The following CAST variants were observed in gnomAD, a reference collection of about 807,000 sequenced individuals.
CAST encodes the protein calpastatin.
In CAST, 76 loss-of-function variants were observed where a neutral mutation model predicts 119.6. The ratio of observed to expected loss-of-function variants is 0.64; its 90% CI spans 0.53 to 0.77. The LOEUF is 0.77. CAST is among the 30% of genes least tolerant of loss of function. CAST has a pLI of 0.00. For missense variants in CAST, 953 were observed against 946.5 expected, an observed-to-expected ratio of 1.01 and a Z score of -0.09; for synonymous variants, 319 against 331.6, an observed-to-expected ratio of 0.96 and a Z score of 0.41.
At chr5:96,217,712 GCCAGAC>G in the CAST span, among the ~76,000 whole-genome samples, 1 of 152,158 alleles carries the variant, frequency 6.6e-6, no homozygotes, top group African/African-American at 2.4e-5. Flanking sequence ...AATGACGGAA[GCCAGAC>G]CCAAAATAAT....
At chr5:96,533,122 T>G (rs1050686410) in intron 1 of CAST, among the ~76,000 whole-genome samples, 1 of 152,084 alleles carries the variant, frequency 6.6e-6, no homozygotes, top group Non-Finnish European at 1.5e-5. Context: ...CAATGAGAAA[T>G]TTTTAGTAGA....
chr5:96,374,929 T>C, the CAST span, among the ~76,000 whole-genome samples: 2 of 152,182 alleles, frequency 1.3e-5, no homozygotes, highest in African/African-American at 2.4e-5. Context: ...TTTTCACTAA[T>C]ACATTTCCCC....
the CAST span, chr5:96,412,593 G>T: frequency 9.0e-7 from 1 of 1,112,146 alleles, no homozygotes; most frequent in Non-Finnish European, 1.3e-6. Context: ...GATTTTAAGA[G>T]TCAAAAACCA....
chr5:96,480,108 G>A, the CAST span, among the ~76,000 whole-genome samples: 4 of 152,080 alleles, frequency 2.6e-5, no homozygotes, highest in South Asian at 2.1e-4. Context: ...TAACCATTTC[G>A]GTGGGGAAAA....
chr5:96,320,353 T>G, the CAST span, among the ~76,000 whole-genome samples: 47,472 of 147,854 alleles, frequency 0.32, 7,713 homozygotes, highest in Admixed American at 0.41. Flanking sequence ...TTCTCCTGCC[T>G]AAGCCTCCCG....
intron 3 of CAST, 69 bp downstream of exon 3, chr5:96,695,976 C>T (rs1438130166): frequency 1.6e-5 from 16 of 1,024,294 alleles, no homozygotes; most frequent in Non-Finnish European, 1.9e-5. Context: ...TGGGTGGGGC[C>T]TGTAGGAATG....
the CAST span, among the ~76,000 whole-genome samples, chr5:96,355,859 G>A: frequency 3.3e-5 from 5 of 151,908 alleles, no homozygotes; most frequent in South Asian, 2.1e-4. Context: ...ACACCACCAC[G>A]CCCAGCTAAT....
intron 1 of CAST, among the ~76,000 whole-genome samples, chr5:96,573,062 C>T (rs1293045402): frequency 6.6e-6 from 1 of 152,154 alleles, no homozygotes; most frequent in African/African-American, 2.4e-5. Context: ...TACTGAAGGA[C>T]AAGAAGGAGC....
chr5:96,740,067 A>G lies in CAST; in HGVS notation c.828A>G (p.Glu276=). The change falls in exon 12 of 32, where the codon GAA becomes GAG. Residue 276 remains glutamate (E), a synonymous_variant. Transcript: ENST00000675179. ...SDPMSSTYIE[E]LGKREVTIPP... ...CAATGAGTTCCACCTACATAGAGGA[A>G]TTGGGTAAAAGAGAAGTCACAATTC... is the stretch of plus-strand genomic sequence containing the variant. The G allele has an allele frequency of 6.3e-7, 1 of 1,580,642 alleles. No homozygotes were observed. The highest frequency in any genetic ancestry group is 8.7e-7 in the Non-Finnish European group (1 of 1,155,420).
chr5:96,382,164 TCTC>T, the CAST span, among the ~76,000 whole-genome samples: 25 of 152,246 alleles, frequency 1.6e-4, no homozygotes, highest in African/African-American at 5.8e-4. Flanking sequence ...TTTGGATTTC[TCTC>T]CTCATTTCCT....
At chr5:96,472,198 T>C in the CAST span, among the ~76,000 whole-genome samples, 1 of 152,156 alleles carries the variant, frequency 6.6e-6, no homozygotes, top group Admixed American at 6.5e-5. Flanking sequence ...GCAAATTGTT[T>C]ACATGAGCTC....
the CAST span, chr5:95,961,735 G>A: frequency 6.3e-7 from 1 of 1,590,786 alleles, no homozygotes. Flanking sequence ...AAACTCCCCG[G>A]GGTGCCGCCG....
At chr5:96,615,912 C>A (rs1332623063) in intron 1 of CAST, among the ~76,000 whole-genome samples, 1 of 152,126 alleles carries the variant, frequency 6.6e-6, no homozygotes, top group African/African-American at 2.4e-5. Flanking sequence ...AGCTGAGGAG[C>A]AAGGAAGCCA....
the CAST span, among the ~76,000 whole-genome samples, chr5:96,368,991 G>A: frequency 6.6e-6 from 1 of 151,728 alleles, no homozygotes; most frequent in Non-Finnish European, 1.5e-5. Flanking sequence ...TTTTCTTTGT[G>A]GTTAGAATTC....
chr5:96,431,537 C>T, the CAST span, among the ~76,000 whole-genome samples: 1 of 152,220 alleles, frequency 6.6e-6, no homozygotes, highest in African/African-American at 2.4e-5. Context: ...TTCTTTCCCT[C>T]CTCTTATTCC....
At chr5:96,085,972 G>A in the CAST span, among the ~76,000 whole-genome samples, 30 of 95,768 alleles carry the variant, frequency 3.1e-4, no homozygotes, top group South Asian at 7.5e-4. Flanking sequence ...CTCTGTATCT[G>A]CAAGGGATTG....
the CAST span, chr5:96,425,705 G>C: frequency 1.4e-6 from 1 of 692,452 alleles, no homozygotes; most frequent in Non-Finnish European, 2.6e-6. Context: ...AGACAATATA[G>C]CTCCCTATGA....
the CAST span, among the ~76,000 whole-genome samples, chr5:96,112,033 G>C: frequency 6.6e-6 from 1 of 150,572 alleles, no homozygotes; most frequent in Non-Finnish European, 1.5e-5. Context: ...TTAATGAGTA[G>C]TTTTCTATTT....
the CAST span, among the ~76,000 whole-genome samples, chr5:96,029,551 ATTT>A: frequency 6.6e-6 from 1 of 152,114 alleles, no homozygotes; most frequent in Non-Finnish European, 1.5e-5. Context: ...TTCGAAATGA[ATTT>A]TTATAAAGTC....
Sources: gnomAD v4.1 joint callset for allele counts (sites outside exome capture counted in the v4.1 genomes callset) on GRCh38, gnomAD v4.1.1 for gene constraint, MANE v1.5 for transcripts, NCBI Gene and HGNC (gene_info 2026-07-23, HGNC 2026-07-21) for gene names.